The following PCDH17 variants were observed in gnomAD, a reference collection of about 807,000 sequenced individuals.
PCDH17 encodes the protein protocadherin 17.
In PCDH17, 21 loss-of-function variants were observed where a neutral mutation model predicts 67.7. The ratio of observed to expected loss-of-function variants is 0.31; its 90% CI spans 0.22 to 0.45. The LOEUF is 0.45. Ranked by LOEUF, PCDH17 falls within the 20% of genes least tolerant of loss-of-function variation. The pLI is 1.00. For missense variants in PCDH17, 1,471 were observed against 1,564.8 expected (o/e 0.94, Z 1.01); for synonymous variants, 701 against 656.7 (o/e 1.07, Z -1.03).
chr13:57,677,112 A>G (rs1247223715), intron 3 of PCDH17, among the ~76,000 whole-genome samples: 2 of 151,864 alleles, frequency 1.3e-5, no homozygotes, highest in Non-Finnish European at 2.9e-5. Flanking sequence ...TGTGACAGAT[A>G]CCGTTTCAAG....
intron 3 of PCDH17, among the ~76,000 whole-genome samples, chr13:57,707,096 C>G (rs926099146): frequency 6.6e-6 from 1 of 151,918 alleles, no homozygotes; most frequent in Non-Finnish European, 1.5e-5. Context: ...GTAACCACAC[C>G]ACACACATCA....
rs1954739239 is a variant in PCDH17, at chr13:57,632,513, C to A, written c.-34C>A. ...GCACTCCCTCTCTGGCTCCTCCAGT[C>A]CGATTGCTCCTGCCCCCACCTTACA... On this transcript the variant is annotated 5_prime_UTR_variant, in exon 1 of 4. Transcript: ENST00000377918. The A allele has an allele frequency of 1.3e-6, 2 of 1,594,022 alleles. No homozygotes were observed. Among genetic ancestry groups the A allele is most frequent in the South Asian group, 1.1e-5 (1 of 88,876 alleles).
At chr13:57,690,446 A>C (rs1464829461) in intron 3 of PCDH17, among the ~76,000 whole-genome samples, 1 of 151,688 alleles carries the variant, frequency 6.6e-6, no homozygotes, top group Non-Finnish European at 1.5e-5. Flanking sequence ...GATTATATTC[A>C]AAGGTTCTTT....
chr13:57,649,886 C>T (rs1402150164), intron 1 of PCDH17, among the ~76,000 whole-genome samples: 1 of 151,994 alleles, frequency 6.6e-6, no homozygotes, highest in Non-Finnish European at 1.5e-5. Flanking sequence ...TATAAATTAC[C>T]TAACTCTACT....
intron 3 of PCDH17, among the ~76,000 whole-genome samples, chr13:57,691,909 A>G (rs559192319): frequency 1.7e-4 from 26 of 151,278 alleles, no homozygotes; most frequent in South Asian, 1.0e-3. Context: ...AGGCAAACCT[A>G]TATTTGAATG....
intron 1 of PCDH17, among the ~76,000 whole-genome samples, chr13:57,641,735 C>G (rs1355291916): frequency 2.0e-5 from 3 of 149,378 alleles, no homozygotes; most frequent in Non-Finnish European, 3.0e-5. Context: ...ATGGTTCTTA[C>G]AGTTCATTGA....
At chr13:57,641,746 G>A (rs1954907983) in intron 1 of PCDH17, among the ~76,000 whole-genome samples, 1 of 149,860 alleles carries the variant, frequency 6.7e-6, no homozygotes, top group South Asian at 2.1e-4. Flanking sequence ...AGTTCATTGA[G>A]CATCTAGCAT....
Position 57,632,933 on chromosome 13 carries a change from G to T in PCDH17, c.387G>T (p.Ala129=), listed in dbSNP as rs763773156. 3.4e-5 allele frequency: 55 copies of T among 1,613,856 alleles called. No individual in the cohort carries two copies. Among genetic ancestry groups the T allele is most frequent in the Non-Finnish European group, 4.7e-5 (55 of 1,180,024 alleles). The change falls in exon 1 of 4, where the codon GCG becomes GCT. Residue 129 remains alanine (A), a synonymous_variant. Coordinates refer to ENST00000377918, the MANE Select transcript of PCDH17 (RefSeq NM_001040429.3). ...KVEIQDINDN[A]PSFSSDQIEM... The stretch of plus-strand genomic sequence containing the variant: ...AGATCCAGGACATCAACGACAACGC[G>T]CCCTCCTTCTCCTCGGACCAGATCG...
At position 57,632,579 on chromosome 13, in the gene PCDH17, A is replaced by G. The variant is rs200461423; in HGVS notation, c.33A>G (p.Leu11=). The part of the protein sequence containing the change: MYLSICCCFL[L]WAPALTLKNL... ...TTTCCATCTGTTGCTGCTTTCTTCTATGGGCCCCTGCCCTCACTCTCAAGA... is the reference window on the plus strand; with the variant it reads ...TTTCCATCTGTTGCTGCTTTCTTCTGTGGGCCCCTGCCCTCACTCTCAAGA... The change falls in exon 1 of 4, where the codon CTA becomes CTG. Residue 11 remains leucine, a synonymous_variant. Coordinates refer to ENST00000377918, the MANE Select transcript of PCDH17 (RefSeq NM_001040429.3). The G allele has an allele frequency of 1.4e-5, 23 of 1,613,834 alleles. No individual in the cohort carries two copies. In the Admixed American group the frequency reaches 2.0e-4, roughly 14 times the overall value.
chr13:57,696,925 G>A (rs534208181), intron 3 of PCDH17, among the ~76,000 whole-genome samples: 1 of 151,730 alleles, frequency 6.6e-6, no homozygotes, highest in East Asian at 1.9e-4. Context: ...ATCCACAGCT[G>A]ATTGACAGTC....
Position 57,632,185 on chromosome 13 carries a change from T to G in PCDH17, c.-362T>G, listed in dbSNP as rs1184419502. ...TCATTATCATCTCTCCCAGACGAGA[T>G]TTCCTTCTTATCGCCTGCCTCATCG... On this transcript the variant is annotated 5_prime_UTR_variant, in exon 1 of 4. Coordinates refer to ENST00000377918, the MANE Select transcript of PCDH17 (RefSeq NM_001040429.3). 2.8e-5 allele frequency: 9 copies of G among 326,938 alleles called. No homozygotes were observed. The highest frequency in any genetic ancestry group is 5.1e-5 in the Non-Finnish European group (9 of 175,192). The allele number at this position is 326,938 out of a possible 1,614,324, so 20.3% of individuals were successfully genotyped here.
At position 57,728,630 on chromosome 13, in the gene PCDH17, T is replaced by C. The variant is rs990450400; in HGVS notation, c.*3336T>C. On this transcript the variant is annotated 3_prime_UTR_variant, in exon 4 of 4. Transcript: ENST00000377918. The stretch of plus-strand genomic sequence containing the variant: ...AAGTAAACATTAAAGAGACATATCA[T>C]GCAATTTCAAAGAATTCTTTCATGC... 1 of 151,820 alleles carries C rather than the reference T, an allele frequency of 6.6e-6. No individual in the cohort carries two copies. The highest frequency in any genetic ancestry group is 2.4e-5 in the African/African-American group (1 of 41,372). 9.4% of individuals were successfully genotyped at this position (151,820 alleles called of 1,614,324 possible). A position where few individuals can be genotyped will look rare whatever the true frequency, so the allele number is the denominator to read the frequency against.
chr13:57,726,105 T>A lies in PCDH17; in HGVS notation c.*811T>A, dbSNP rs1955914813. ...AAAGATTTAAACAATGATGAATATGTTTTAAATTTGACATAGAAAAGTTCT... is the reference window on the plus strand; with the variant it reads ...AAAGATTTAAACAATGATGAATATGATTTAAATTTGACATAGAAAAGTTCT... On this transcript the variant is annotated 3_prime_UTR_variant, in exon 4 of 4. Transcript: ENST00000377918. 6.6e-6 allele frequency: 1 copy of A among 152,638 alleles called. No individual in the cohort carries two copies. The highest frequency in any genetic ancestry group is 2.4e-5 in the African/African-American group (1 of 41,458). 9.5% of individuals were successfully genotyped at this position (152,638 alleles called of 1,614,324 possible).
chr13:57,716,833 G>A (rs1224211137), intron 3 of PCDH17, among the ~76,000 whole-genome samples: 1 of 151,780 alleles, frequency 6.6e-6, no homozygotes, highest in African/African-American at 2.4e-5. Flanking sequence ...TTCTACCCAA[G>A]ATACCCCTCC....
At chr13:57,669,626 T>G (rs1955296441) in intron 3 of PCDH17, among the ~76,000 whole-genome samples, 1 of 152,112 alleles carries the variant, frequency 6.6e-6, no homozygotes. Flanking sequence ...TGCAAACAAT[T>G]TCAACATTAG....
At chr13:57,674,874 T>G (rs1955372478) in intron 3 of PCDH17, among the ~76,000 whole-genome samples, 1 of 151,932 alleles carries the variant, frequency 6.6e-6, no homozygotes, top group African/African-American at 2.4e-5. Flanking sequence ...TACAAAACAT[T>G]ATGGTGAGAA....
chr13:57,672,677 C>T (rs560322576), intron 3 of PCDH17, among the ~76,000 whole-genome samples: 1 of 152,096 alleles, frequency 6.6e-6, no homozygotes, highest in Admixed American at 6.6e-5. Flanking sequence ...TTACAATCTT[C>T]CCTATAACTG....
chr13:57,726,654 A>G lies in PCDH17; in HGVS notation c.*1360A>G, dbSNP rs1347202565. On this transcript the variant is annotated 3_prime_UTR_variant, in exon 4 of 4. Coordinates refer to ENST00000377918, the MANE Select transcript of PCDH17 (RefSeq NM_001040429.3). The stretch of plus-strand genomic sequence containing the variant: ...AAAATTACATCCATCAGTCATGGTT[A>G]TGTGCAAGTCCTTGTAGAAGCTTTT... 2.0e-5 allele frequency: 3 copies of G among 152,628 alleles called. No individual in the cohort carries two copies. The highest frequency in any genetic ancestry group is 4.4e-5 in the Non-Finnish European group (3 of 68,046). The allele number at this position is 152,628 out of a possible 1,614,324, so 9.5% of individuals were successfully genotyped here.
Position 57,632,879 on chromosome 13 carries a change from C to G in PCDH17, c.333C>G (p.Asn111Lys), listed in dbSNP as rs1363153167. 2 of 1,613,956 alleles carry G rather than the reference C, an allele frequency of 1.2e-6. No individual in the cohort carries two copies. Among genetic ancestry groups the G allele is most frequent in the African/African-American group, 1.3e-5 (1 of 74,922 alleles). ...AGCTGTCCCTCGAGGTGTTCGCCAA[C>G]GACAAGGAGATCTGCATGATCAAGG... ...KCQLSLEVFA[N>K]DKEICMIKVE... Residue 111 changes from asparagine to lysine, a missense_variant, in exon 1 of 4, where the codon AAC (asparagine) becomes AAG (lysine). Physicochemically the swap from Asn to Lys is moderately conservative, Grantham distance 94. Around this residue, in one of 3 missense-constraint regions of PCDH17, gnomAD observed 1,163 missense variants for 1,230.0 expected, o/e 0.95. Coordinates refer to ENST00000377918, the MANE Select transcript of PCDH17 (RefSeq NM_001040429.3).
Sources: allele counts gnomAD v4.1 joint callset (sites outside exome capture counted in the v4.1 genomes callset), GRCh38; gene constraint gnomAD v4.1.1; regional missense constraint gnomAD v4.1.1; transcripts MANE v1.5; gene names NCBI Gene and HGNC (gene_info 2026-07-23, HGNC 2026-07-21).